SUSD4: variants seen among roughly 807,000 people sequenced by gnomAD.
SUSD4 encodes the protein sushi domain containing 4, also known as sushi domain-containing protein 4.
Under a neutral mutation model 50.5 loss-of-function variants are expected in SUSD4, and 41 were observed. The observed-to-expected ratio is 0.81, with a 90% CI of 0.63 to 1.05. SUSD4 has a LOEUF of 1.05. Among genes scored for constraint, SUSD4 ranks in the 50% least tolerant of loss-of-function variants. The pLI, the probability that SUSD4 is intolerant of heterozygous loss-of-function variation, is 0.00. For missense variants in SUSD4, 580 were observed against 634.7 expected (o/e 0.91, Z 0.93); for synonymous variants, 257 against 257.3 (o/e 1.00, Z 0.01).
intron 2 of SUSD4, among the ~76,000 whole-genome samples, chr1:223,357,767 T>G (rs905683634): frequency 1.3e-5 from 2 of 152,246 alleles, no homozygotes; most frequent in Non-Finnish European, 2.9e-5. Flanking sequence ...GAACAGCTCA[T>G]TCTTATGAGA....
At chr1:223,281,416 A>G (rs934018593) in intron 3 of SUSD4, among the ~76,000 whole-genome samples, 4 of 152,232 alleles carry the variant, frequency 2.6e-5, no homozygotes, top group African/African-American at 9.6e-5. Flanking sequence ...ATCACCACCA[A>G]TCCCACAGAA....
At chr1:223,335,983 G>A (rs1269934514) in intron 2 of SUSD4, among the ~76,000 whole-genome samples, 1 of 151,878 alleles carries the variant, frequency 6.6e-6, no homozygotes, top group South Asian at 2.1e-4. Flanking sequence ...AGTGATTGTT[G>A]ACTCCTGACA....
At chr1:223,347,342 G>A (rs965721769) in intron 2 of SUSD4, among the ~76,000 whole-genome samples, 4 of 151,946 alleles carry the variant, frequency 2.6e-5, no homozygotes, top group Non-Finnish European at 4.4e-5. Context: ...TTAACCATCC[G>A]CACTTCCCTC....
chr1:223,354,419 CA>C (rs1272922403), intron 2 of SUSD4, among the ~76,000 whole-genome samples: 1 of 152,062 alleles, frequency 6.6e-6, no homozygotes, highest in African/African-American at 2.4e-5. Flanking sequence ...CCTAGTCCAC[CA>C]TTTACAATCC....
Position 223,291,515 on chromosome 1 carries a change from ATTAAG to A in SUSD4, c.361+919_361+923del, listed in dbSNP as rs201281239. Among the ~76,000 whole-genome samples, 656 of 143,580 alleles carry A rather than the reference ATTAAG, an allele frequency of 4.6e-3. 9 individuals carry two copies. Among genetic ancestry groups the A allele is most frequent in the African/African-American group, 0.016 (620 of 38,382 alleles). The allele number at this position is 143,580 out of a possible 152,430, so 94.2% of individuals were successfully genotyped here. ...AAAAAAAAAAAAAAAAAAAAAGCTT[ATTAAG>A]TTATTTAAAAAGTAAAAAGTTTCAT... On this transcript the variant is annotated intron_variant, in intron 3 of 8. Transcript: ENST00000366878.
At chr1:223,321,697 A>G (rs993696744) in intron 2 of SUSD4, among the ~76,000 whole-genome samples, 6 of 152,232 alleles carry the variant, frequency 3.9e-5, no homozygotes, top group Admixed American at 3.9e-4. Context: ...GCCTTTGGCA[A>G]TCTGGTGAAG....
At chr1:223,358,404 C>T (rs75789883) in intron 2 of SUSD4, among the ~76,000 whole-genome samples, 3,261 of 152,232 alleles carry the variant, frequency 0.021, 114 homozygotes, top group African/African-American at 0.074. Context: ...AGCTAGGTGG[C>T]AATTTAAGGA....
intron 5 of SUSD4, among the ~76,000 whole-genome samples, chr1:223,240,878 C>T (rs1008316623): frequency 1.1e-4 from 16 of 152,146 alleles, no homozygotes; most frequent in African/African-American, 3.6e-4. Flanking sequence ...ACAAGGTGTA[C>T]CAGGTAAAGG....
At chr1:223,304,993 A>G (rs185886250) in intron 2 of SUSD4, among the ~76,000 whole-genome samples, 50 of 151,692 alleles carry the variant, frequency 3.3e-4, no homozygotes, top group African/African-American at 1.1e-3. Context: ...AACTTTTGCT[A>G]GAATAAAGTG....
chr1:223,304,802 A>G (rs1249157242), intron 2 of SUSD4, among the ~76,000 whole-genome samples: 1 of 2,242 alleles, frequency 4.5e-4, no homozygotes, highest in African/African-American at 1.7e-3. Context: ...CCATATATAT[A>G]TATATATATA....
intron 3 of SUSD4, among the ~76,000 whole-genome samples, chr1:223,278,115 C>A (rs779613992): frequency 6.6e-6 from 1 of 152,142 alleles, no homozygotes; most frequent in African/African-American, 2.4e-5. Flanking sequence ...GGAACAGCTC[C>A]GGTCTATGGT....
chr1:223,257,354 C>T (rs1468147371), intron 5 of SUSD4, among the ~76,000 whole-genome samples: 1 of 151,744 alleles, frequency 6.6e-6, no homozygotes, highest in African/African-American at 2.4e-5. Flanking sequence ...AACATTTTTA[C>T]AATTAAAAAA....
At chr1:223,276,103 G>T (rs1454792296) in intron 3 of SUSD4, among the ~76,000 whole-genome samples, 1 of 152,226 alleles carries the variant, frequency 6.6e-6, no homozygotes, top group Non-Finnish European at 1.5e-5. Flanking sequence ...GGACCCGAGT[G>T]GGGGTAGGTC....
In SUSD4 at chr1:223,332,286, CA is replaced by C. The variant is rs1667219231; in HGVS notation, c.148+30991del. ...CTACCTCAAAGCAACTTGTTTTATACAAGCTCATATACACACATATCTACAG... is the reference window on the plus strand; with the variant it reads ...CTACCTCAAAGCAACTTGTTTTATACAGCTCATATACACACATATCTACAG... On this transcript the variant is annotated intron_variant, in intron 2 of 8. Transcript: ENST00000366878. The surrounding 1 kb of genome is among the most constrained non-coding windows in gnomAD (Gnocchi z 4.0). Among the ~76,000 whole-genome samples the C allele has an allele frequency of 6.6e-6, 1 of 152,174 alleles. No homozygotes were observed. Among genetic ancestry groups the C allele is most frequent in the Non-Finnish European group, 1.5e-5 (1 of 68,032 alleles).
intron 5 of SUSD4, among the ~76,000 whole-genome samples, chr1:223,251,136 T>G (rs2103041985): frequency 6.6e-6 from 1 of 152,330 alleles, no homozygotes; most frequent in East Asian, 1.9e-4. Flanking sequence ...TATGTTAGTC[T>G]GTTCATTGTA....
intron 2 of SUSD4, among the ~76,000 whole-genome samples, chr1:223,340,713 C>T (rs568133251): frequency 4.7e-4 from 71 of 152,264 alleles, no homozygotes; most frequent in Admixed American, 7.2e-4. Context: ...GAAATGTGTC[C>T]CTTCTCAGCC....
At chr1:223,276,607 T>C (rs1663293608) in intron 3 of SUSD4, among the ~76,000 whole-genome samples, 1 of 152,238 alleles carries the variant, frequency 6.6e-6, no homozygotes. Flanking sequence ...TCTGGCCACA[T>C]TTAAGTTAAA....
At chr1:223,308,655 T>C (rs947835265) in intron 2 of SUSD4, among the ~76,000 whole-genome samples, 4 of 152,232 alleles carry the variant, frequency 2.6e-5, no homozygotes, top group Non-Finnish European at 5.9e-5. Flanking sequence ...ACTGAAATAA[T>C]TTCCCTCATT....
chr1:223,289,497 GC>G (rs1201559549), intron 3 of SUSD4, among the ~76,000 whole-genome samples: 1 of 152,168 alleles, frequency 6.6e-6, no homozygotes, highest in Non-Finnish European at 1.5e-5. Context: ...GAGAACAGCT[GC>G]CCAATACCAC....
Sources: allele counts gnomAD v4.1 joint callset (sites outside exome capture counted in the v4.1 genomes callset), GRCh38; gene constraint gnomAD v4.1.1; non-coding constraint Gnocchi (gnomAD v3.1); transcripts MANE v1.5; gene names NCBI Gene and HGNC (gene_info 2026-07-23, HGNC 2026-07-21).